Variants in ACOX2 observed in about 807,000 individuals in gnomAD.
ACOX2 encodes the protein acyl-CoA oxidase 2, also known as peroxisomal acyl-coenzyme A oxidase 2.
A neutral mutation model predicts 77.5 loss-of-function variants in ACOX2; 59 were observed. That is an observed-to-expected ratio of 0.76 (90% CI 0.62 to 0.95). The LOEUF is 0.95. Ranked by LOEUF, ACOX2 falls within the 40% of genes least tolerant of loss-of-function variation. ACOX2 has a pLI of 0.00. For missense variants in ACOX2, 837 were observed against 880.4 expected, an observed-to-expected ratio of 0.95 and a Z score of 0.62; for synonymous variants, 317 against 340.1, an observed-to-expected ratio of 0.93 and a Z score of 0.75.
rs1171591428 is a variant in ACOX2 at position 58,521,161 on chromosome 3, G to T, written c.1632+1335C>A. Among the ~76,000 whole-genome samples the T allele has an allele frequency of 1.3e-5, 2 of 152,200 alleles. No homozygotes were observed. The highest frequency in any genetic ancestry group is 3.8e-4 in the East Asian group (2 of 5,198). ...TTGACAGGACAGTTAGCACAGCAGG[G>T]GGTGCCCCTGCTGTAGGCTGAGCAG... On this transcript the variant is annotated intron_variant, in intron 12 of 14. Coordinates refer to ENST00000302819, the MANE Select transcript of ACOX2 (RefSeq NM_003500.4). The surrounding 1 kb of genome is among the most constrained non-coding windows in gnomAD (Gnocchi z 4.8).
intron 14 of ACOX2, among the ~76,000 whole-genome samples, chr3:58,507,896 G>T (rs1162809856): frequency 6.6e-6 from 1 of 152,216 alleles, no homozygotes; most frequent in East Asian, 1.9e-4. Flanking sequence ...CTAACACCAT[G>T]CTGGGTGTGA....
rs1577003950 is a variant in ACOX2 at position 58,535,291 on chromosome 3, C to T, written c.-91-94G>A. Reference sequence around the variant, plus strand: ...TAAGTACCTGAATGCCACTCCACCTCCCCACTCCCCCTGTGGACACTGGCT... The same window carrying T: ...TAAGTACCTGAATGCCACTCCACCTTCCCACTCCCCCTGTGGACACTGGCT... On this transcript the variant is annotated intron_variant, in intron 1 of 14. Coordinates refer to ENST00000302819, the MANE Select transcript of ACOX2 (RefSeq NM_003500.4). The surrounding 1 kb of genome is among the most constrained non-coding windows in gnomAD (Gnocchi z 4.8). 1.5e-6 allele frequency: 1 copy of T among 654,952 alleles called. No homozygotes were observed. The highest frequency in any genetic ancestry group is 2.7e-5 in the East Asian group (1 of 37,230). The allele number at this position is 654,952 out of a possible 1,614,324, so 40.6% of individuals were successfully genotyped here.
chr3:58,522,829 G>GGGT lies in ACOX2; in HGVS notation c.1527-231_1527-229dup. ...CCAGAGAGGTTAACCAATTTGTCCA[G>GGGT]GGTCACACAGCTAGTAAGGAGTGGA... On this transcript the variant is annotated intron_variant, in intron 11 of 14. Coordinates refer to ENST00000302819, the MANE Select transcript of ACOX2 (RefSeq NM_003500.4). The surrounding 1 kb of genome is among the most constrained non-coding windows in gnomAD (Gnocchi z 4.3). The GGGT allele has an allele frequency of 2.1e-6, 1 of 487,298 alleles. No homozygotes were observed. 30.2% of individuals were successfully genotyped at this position (487,298 alleles called of 1,614,324 possible).
chr3:58,528,372 C>A lies in ACOX2; in HGVS notation c.1155+422G>T, dbSNP rs977689925. The stretch of plus-strand genomic sequence containing the variant: ...TTTAAAGTGCATTTTATATAATAGC[C>A]CCAGTGGGGTTTGGGGCAGCTTTAG... On this transcript the variant is annotated intron_variant, in intron 9 of 14. Coordinates refer to ENST00000302819, the MANE Select transcript of ACOX2 (RefSeq NM_003500.4). This position sits in a 1 kb window ranked among gnomAD's most constrained non-coding sequence, Gnocchi z 5.6. Among the ~76,000 whole-genome samples the A allele has an allele frequency of 3.3e-5, 5 of 152,094 alleles. No homozygotes were observed. Among genetic ancestry groups the A allele is most frequent in the African/African-American group, 1.2e-4 (5 of 41,422 alleles).
In ACOX2 at chr3:58,519,296, A is replaced by G. The variant is rs2063343070; in HGVS notation, c.1633-1873T>C. 6.6e-6 allele frequency among the ~76,000 whole-genome samples: 1 copy of G among 151,980 alleles called. No homozygotes were observed. Among genetic ancestry groups the G allele is most frequent in the Non-Finnish European group, 1.5e-5 (1 of 68,008 alleles). On this transcript the variant is annotated intron_variant, in intron 12 of 14. Coordinates refer to ENST00000302819, the MANE Select transcript of ACOX2 (RefSeq NM_003500.4). The surrounding 1 kb of genome is among the most constrained non-coding windows in gnomAD (Gnocchi z 5.0). ...CTACTCGGAAGGCTGAGGCACAAGA[A>G]TTGCTTGAACCTGGGAGGTGGAGGT...
In ACOX2 at chr3:58,521,868, A is replaced by C. The variant is rs1315260767; in HGVS notation, c.1632+628T>G. Among the ~76,000 whole-genome samples, 1 of 152,192 alleles carries C rather than the reference A, an allele frequency of 6.6e-6. No homozygotes were observed. Among genetic ancestry groups the C allele is most frequent in the African/African-American group, 2.4e-5 (1 of 41,434 alleles). The stretch of plus-strand genomic sequence containing the variant: ...TGCACGCGCAGCTCCCTTTGCCTGG[A>C]AACTTTTCTCTCCAAAGCTGCCACC... On this transcript the variant is annotated intron_variant, in intron 12 of 14. Coordinates refer to ENST00000302819, the MANE Select transcript of ACOX2 (RefSeq NM_003500.4). The surrounding 1 kb of genome is among the most constrained non-coding windows in gnomAD (Gnocchi z 4.8).
At position 58,523,908 on chromosome 3, in the gene ACOX2, C is replaced by A. The variant is rs2063376508; in HGVS notation, c.1526+518G>T. Reference sequence around the variant, plus strand: ...TTCCTAACACATAGTAGGTACTGAACAATATTTGTTGAATGACAGAATGGA... The same window carrying A: ...TTCCTAACACATAGTAGGTACTGAAAAATATTTGTTGAATGACAGAATGGA... On this transcript the variant is annotated intron_variant, in intron 11 of 14. Coordinates refer to ENST00000302819, the MANE Select transcript of ACOX2 (RefSeq NM_003500.4). This position sits in a 1 kb window ranked among gnomAD's most constrained non-coding sequence, Gnocchi z 5.3. Among the ~76,000 whole-genome samples, 1 of 152,148 alleles carries A rather than the reference C, an allele frequency of 6.6e-6. No individual in the cohort carries two copies. The highest frequency in any genetic ancestry group is 1.5e-5 in the Non-Finnish European group (1 of 68,026).
Position 58,533,702 on chromosome 3 carries a change from C to T in ACOX2, c.476-150G>A. 1 of 725,546 alleles carries T rather than the reference C, an allele frequency of 1.4e-6. No homozygotes were observed. Among genetic ancestry groups the T allele is most frequent in the Non-Finnish European group, 2.3e-6 (1 of 433,772 alleles). 44.9% of individuals were successfully genotyped at this position (725,546 alleles called of 1,614,324 possible). On this transcript the variant is annotated intron_variant, in intron 4 of 14. Transcript: ENST00000302819. The surrounding 1 kb of genome is among the most constrained non-coding windows in gnomAD (Gnocchi z 5.6). ...GTACTTGCAGGCAGTTCTCCCCTTT[C>T]ATCTGTGGGCTGTGTGTGGGACACA...
chr3:58,510,664 ATATAT>A (rs1270935100), intron 13 of ACOX2, among the ~76,000 whole-genome samples: 3 of 9,994 alleles, frequency 3.0e-4, no homozygotes, highest in African/African-American at 4.9e-4. Flanking sequence ...AAAAAAAAAA[ATATAT>A]ATATATATAT....
rs1242903696 is a variant in ACOX2, at chr3:58,522,983, C to A, written c.1527-382G>T. On this transcript the variant is annotated intron_variant, in intron 11 of 14. Transcript: ENST00000302819. This position sits in a 1 kb window ranked among gnomAD's most constrained non-coding sequence, Gnocchi z 4.3. ...ATGTTCAGGCCTTTTTGTTGACTGACGTCCTGTGGCCTGAGCAAGGAGAAT... is the reference window on the plus strand; with the variant it reads ...ATGTTCAGGCCTTTTTGTTGACTGAAGTCCTGTGGCCTGAGCAAGGAGAAT... 3 of 188,124 alleles carry A rather than the reference C, an allele frequency of 1.6e-5. No homozygotes were observed. Among genetic ancestry groups the A allele is most frequent in the Non-Finnish European group, 1.1e-5 (1 of 88,008 alleles). 11.7% of individuals were successfully genotyped at this position (188,124 alleles called of 1,614,324 possible). A position where few individuals can be genotyped will look rare whatever the true frequency, so the allele number is the denominator to read the frequency against.
chr3:58,526,651 G>T lies in ACOX2; in HGVS notation c.1161C>A (p.His387Gln). 1 of 1,613,586 alleles carries T rather than the reference G, an allele frequency of 6.2e-7. No homozygotes were observed. Among genetic ancestry groups the T allele is most frequent in the Non-Finnish European group, 8.5e-7 (1 of 1,179,768 alleles). ...TGGCCTTCATGCCCGTGCTCAGTGC[G>T]TGGAGCTGTGAGAACATGGAGGGGG... ...NQDFSFLPELHALSTGMKAMM... is the reference protein window; with the variant it reads ...NQDFSFLPELQALSTGMKAMM... Residue 387 changes from histidine (H) to glutamine (Q), a missense_variant, in exon 10 of 15, where the codon CAC (histidine) becomes CAA (glutamine). His to Gln is a conservative substitution (Grantham distance 24, BLOSUM62 0). Coordinates refer to ENST00000302819, the MANE Select transcript of ACOX2 (RefSeq NM_003500.4). The surrounding 1 kb of genome is among the most constrained non-coding windows in gnomAD (Gnocchi z 4.3).
chr3:58,528,980 T>C lies in ACOX2; in HGVS notation c.993-24A>G. 1 of 1,593,440 alleles carries C rather than the reference T, an allele frequency of 6.3e-7. No homozygotes were observed. Among genetic ancestry groups the C allele is most frequent in the Non-Finnish European group, 8.6e-7 (1 of 1,169,164 alleles). On this transcript the variant is annotated intron_variant, in intron 8 of 14. Transcript: ENST00000302819. The surrounding 1 kb of genome is among the most constrained non-coding windows in gnomAD (Gnocchi z 5.6). ...CACTGAAGGGAAAAGAACCAGAAGA[T>C]TTAGATCACTACCTGTTGTGTCCAC...
chr3:58,524,359 C>A lies in ACOX2; in HGVS notation c.1526+67G>T. On this transcript the variant is annotated intron_variant, in intron 11 of 14. Transcript: ENST00000302819. This position sits in a 1 kb window ranked among gnomAD's most constrained non-coding sequence, Gnocchi z 5.5. ...TCCACGAATGTCCACCCAACCAATC[C>A]AAAGGCCCTAGTGTGGCATGGAGCC... The A allele has an allele frequency of 1.3e-6, 2 of 1,556,346 alleles. No homozygotes were observed.
rs964423872 is a variant in ACOX2 at position 58,513,430 on chromosome 3, C to CT, written c.1850+3775dup. 2.1e-4 allele frequency among the ~76,000 whole-genome samples: 32 copies of CT among 151,988 alleles called. 1 individual carries two copies. The highest frequency in any genetic ancestry group is 1.5e-3 in the East Asian group (8 of 5,172). On this transcript the variant is annotated intron_variant, in intron 13 of 14. Transcript: ENST00000302819. Reference sequence around the variant, plus strand: ...GTCCTCTTACTTTTTAAAAGTCCTCCTTTTTTTTGTCTTTTTGCTTTCTTG... The same window carrying CT: ...GTCCTCTTACTTTTTAAAAGTCCTCCTTTTTTTTTGTCTTTTTGCTTTCTTG...
chr3:58,515,939 T>C lies in ACOX2; in HGVS notation c.1850+1267A>G, dbSNP rs114811983. 1.9e-3 allele frequency among the ~76,000 whole-genome samples: 285 copies of C among 152,078 alleles called. 1 individual carries two copies. Among genetic ancestry groups the C allele is most frequent in the African/African-American group, 6.5e-3 (271 of 41,534 alleles). ...ACTACAGGTGTGTGCCTGATTCATT[T>C]TTTGTAGAGGTGGGGTTTTGCCATG... On this transcript the variant is annotated intron_variant, in intron 13 of 14. Transcript: ENST00000302819. This position sits in a 1 kb window ranked among gnomAD's most constrained non-coding sequence, Gnocchi z 4.0.
In ACOX2 at chr3:58,522,467, C is replaced by T. The variant is rs1431921705; in HGVS notation, c.1632+29G>A. 4.4e-6 allele frequency: 7 copies of T among 1,605,878 alleles called. No homozygotes were observed. In the African/African-American group the frequency reaches 5.4e-5, roughly 12 times the overall value. ...GCCTGCCTGGGAAGCAAAATGGATC[C>T]CTTTCAGCTTCAGCTGGCAGGCGCT... On this transcript the variant is annotated intron_variant, in intron 12 of 14. Transcript: ENST00000302819. The surrounding 1 kb of genome is among the most constrained non-coding windows in gnomAD (Gnocchi z 4.3).
Position 58,514,356 on chromosome 3 carries a change from A to G in ACOX2, c.1850+2850T>C, listed in dbSNP as rs890667970. On this transcript the variant is annotated intron_variant, in intron 13 of 14. Transcript: ENST00000302819. The surrounding 1 kb of genome is among the most constrained non-coding windows in gnomAD (Gnocchi z 4.3). ...TAGGGTTTCGGGAAAGAACAGAAGT[A>G]AATGCATAGTTTAATCTGTCATCTT... is the stretch of plus-strand genomic sequence containing the variant. Among the ~76,000 whole-genome samples, 7 of 152,222 alleles carry G rather than the reference A, an allele frequency of 4.6e-5. No homozygotes were observed. Among genetic ancestry groups the G allele is most frequent in the Non-Finnish European group, 8.8e-5 (6 of 68,040 alleles).
Position 58,531,129 on chromosome 3 carries a change from C to T in ACOX2, c.819+122G>A. On this transcript the variant is annotated intron_variant, in intron 7 of 14. Transcript: ENST00000302819. This position sits in a 1 kb window ranked among gnomAD's most constrained non-coding sequence, Gnocchi z 5.8. ...CCCAATCTGTGGGATATCAGAGCCT[C>T]TCTTGGGGGAGGAGGTTATGTGGCC... 2.5e-6 allele frequency: 2 copies of T among 811,504 alleles called. No homozygotes were observed. The highest frequency in any genetic ancestry group is 3.9e-6 in the Non-Finnish European group (2 of 511,936). 50.3% of individuals were successfully genotyped at this position (811,504 alleles called of 1,614,324 possible).
rs1218554066 is a variant in ACOX2, at chr3:58,510,655, A to T, written c.1851-1630T>A. Among the ~76,000 whole-genome samples, 27 of 40,602 alleles carry T rather than the reference A, an allele frequency of 6.6e-4. 3 individuals carry two copies. The highest frequency in any genetic ancestry group is 1.0e-3 in the Non-Finnish European group (23 of 22,580). The allele number at this position is 40,602 out of a possible 152,430, so 26.6% of individuals were successfully genotyped here. ...CTCAAAAAAAAAAAAAAAAAAAAAA[A>T]AAAAAAAAATATATATATATATATA... On this transcript the variant is annotated intron_variant, in intron 13 of 14. Coordinates refer to ENST00000302819, the MANE Select transcript of ACOX2 (RefSeq NM_003500.4).
Sources: gnomAD v4.1 joint callset for allele counts (sites outside exome capture counted in the v4.1 genomes callset) on GRCh38, gnomAD v4.1.1 for gene constraint, Gnocchi (gnomAD v3.1) non-coding constraint, MANE v1.5 for transcripts, NCBI Gene and HGNC (gene_info 2026-07-23, HGNC 2026-07-21) for gene names.